KDM3A: variants seen among roughly 807,000 people sequenced by gnomAD.
KDM3A encodes the protein lysine-specific demethylase 3A.
Under a neutral mutation model 158.0 loss-of-function variants are expected in KDM3A, and 60 were observed. The ratio of observed to expected loss-of-function variants is 0.38; its 90% CI spans 0.31 to 0.47. KDM3A has a LOEUF of 0.47. Among genes scored for constraint, KDM3A ranks in the 20% least tolerant of loss-of-function variants. KDM3A has a pLI of 0.99. For missense variants in KDM3A, 1,319 were observed against 1,574.3 expected, an observed-to-expected ratio of 0.84 and a Z score of 2.74; for synonymous variants, 608 against 549.3, an observed-to-expected ratio of 1.11 and a Z score of -1.49.
Position 86,480,292 on chromosome 2 carries a change from T to C in KDM3A, c.2442T>C (p.Cys814=). The part of the protein sequence containing the change: ...SKPAGSMKPA[C]PASTSPLNWL... ...CAGCCGGCAGCATGAAGCCTGCCTG[T>C]CCAGCCAGCACATCTCCTCTAAACT... The change falls in exon 16 of 26, where the codon TGT becomes TGC. Residue 814 remains cysteine (C), a synonymous_variant. Coordinates refer to ENST00000312912, the MANE Select transcript of KDM3A (RefSeq NM_018433.6). 2 of 1,614,116 alleles carry C rather than the reference T, an allele frequency of 1.2e-6. No individual in the cohort carries two copies. Among genetic ancestry groups the C allele is most frequent in the Non-Finnish European group, 1.7e-6 (2 of 1,180,030 alleles).
intron 8 of KDM3A, among the ~76,000 whole-genome samples, chr2:86,461,297 C>T (rs1442519249): frequency 6.6e-6 from 1 of 152,162 alleles, no homozygotes; most frequent in Non-Finnish European, 1.5e-5. Flanking sequence ...CCCTCCTTCC[C>T]TCTGTTCCTC....
chr2:86,466,702 A>G lies in KDM3A; in HGVS notation c.1338A>G (p.Pro446=), dbSNP rs756231801. ...AGCACCTAGAACATGCACCTTCCCC[A>G]TCGGATGTTTCAAATGCACCAGAAG... The part of the protein sequence containing the change: ...LQKHLEHAPS[P]SDVSNAPEVK... Residue 446 remains proline (P), a synonymous_variant, in exon 10 of 26, where the codon CCA becomes CCG. Transcript: ENST00000312912. The G allele has an allele frequency of 2.0e-5, 32 of 1,613,812 alleles. No homozygotes were observed. Among genetic ancestry groups the G allele is most frequent in the Non-Finnish European group, 2.6e-5 (31 of 1,179,878 alleles).
chr2:86,466,858 A>G lies in KDM3A; in HGVS notation c.1494A>G (p.Ser498=). The change falls in exon 10 of 26, where the codon TCA becomes TCG. Residue 498 remains serine (S), a synonymous_variant. Transcript: ENST00000312912. ...SVKVDNESCC[S]RSNNKIQNAP... is the part of the protein sequence containing the mutation. The stretch of plus-strand genomic sequence containing the variant: ...AAGTAGATAATGAAAGCTGTTGTTC[A>G]AGAAGCAACAATAAAATCCAGAATG... The G allele has an allele frequency of 6.2e-7, 1 of 1,604,782 alleles. No homozygotes were observed. Among genetic ancestry groups the G allele is most frequent in the South Asian group, 1.1e-5 (1 of 90,268 alleles).
intron 1 of KDM3A, among the ~76,000 whole-genome samples, chr2:86,441,739 AG>A (rs1208668690): frequency 1.3e-5 from 2 of 150,794 alleles, no homozygotes; most frequent in Admixed American, 6.6e-5. Context: ...AATCCACTCG[AG>A]CCGCAGATAA....
At chr2:86,440,791 C>T (rs1037561352), upstream of KDM3A, 4 of 152,290 alleles carry the variant, frequency 2.6e-5, no homozygotes, top group Non-Finnish European at 5.9e-5. Flanking sequence ...TGCGCACGAG[C>T]CTCCAGAGCA....
intron 8 of KDM3A, among the ~76,000 whole-genome samples, chr2:86,462,468 C>T (rs1288870171): frequency 1.3e-5 from 2 of 152,044 alleles, no homozygotes. Flanking sequence ...CAAACTATTA[C>T]AAGCAAAAGG....
chr2:86,451,944 CA>C (rs1672488616), intron 4 of KDM3A, among the ~76,000 whole-genome samples: 1 of 152,156 alleles, frequency 6.6e-6, no homozygotes, highest in Admixed American at 6.5e-5. Context: ...TATATACAAG[CA>C]ATCCTCATTA....
At chr2:86,465,210 G>C (rs918008288) in intron 9 of KDM3A, among the ~76,000 whole-genome samples, 2 of 152,200 alleles carry the variant, frequency 1.3e-5, no homozygotes, top group Non-Finnish European at 1.5e-5. Flanking sequence ...GCTATCCCTA[G>C]TAAGATGTAC....
intron 23 of KDM3A, 96 bp downstream of exon 23, chr2:86,489,755 T>A (rs1299309746): frequency 1.2e-5 from 16 of 1,374,358 alleles, no homozygotes; most frequent in Non-Finnish European, 1.6e-5. Context: ...AGGGGAATTG[T>A]CACAACCTGA....
rs752271195 is a variant in KDM3A at position 86,451,174 on chromosome 2, A to C, written c.414A>C (p.Gln138His). 3.1e-6 allele frequency: 5 copies of C among 1,611,856 alleles called. No individual in the cohort carries two copies. Among genetic ancestry groups the C allele is most frequent in the Non-Finnish European group, 4.2e-6 (5 of 1,179,238 alleles). The change falls in exon 4 of 26, where the codon CAA (glutamine) becomes CAC (histidine). Residue 138 changes from glutamine (Q) to histidine (H), a missense_variant. This residue lies in a region of KDM3A where 652 missense variants were observed against 627.2 expected (regional missense o/e 1.04). Transcript: ENST00000312912. ...CTGTTCGCTTTCTGGGAGATCAACA[A>C]AGAGTATTTCTTTCTAAAGACCTTT... ...ITSVRFLGDQ[Q>H]RVFLSKDLLK...
chr2:86,456,899 TTTC>T lies in KDM3A; in HGVS notation c.754+27_754+29del, dbSNP rs749062638. The T allele has an allele frequency of 5.0e-6, 8 of 1,586,614 alleles. No individual in the cohort carries two copies. The South Asian group carries it at 8.9e-5, about 18-fold the overall frequency. ...TGTGGTAAGATATGTTATTAAAATCTTTCTTCTCCTTCCTCCTTTCCTCCGTTC... is the reference window on the plus strand; with the variant it reads ...TGTGGTAAGATATGTTATTAAAATCTTTCTCCTTCCTCCTTTCCTCCGTTC... On this transcript the variant is annotated intron_variant, in intron 7 of 25. Coordinates refer to ENST00000312912, the MANE Select transcript of KDM3A (RefSeq NM_018433.6).
chr2:86,460,178 C>G (rs1193075839), intron 8 of KDM3A, among the ~76,000 whole-genome samples: 3 of 152,170 alleles, frequency 2.0e-5, no homozygotes, highest in Non-Finnish European at 2.9e-5. Flanking sequence ...GAAATACTTT[C>G]CTTCTGTCTC....
At chr2:86,439,068 T>C (rs565305519), upstream of KDM3A, among the ~76,000 whole-genome samples, 7 of 152,162 alleles carry the variant, frequency 4.6e-5, no homozygotes, top group African/African-American at 1.7e-4. Flanking sequence ...CTTATATTCC[T>C]AGGTTTTTAG....
intron 4 of KDM3A, among the ~76,000 whole-genome samples, chr2:86,452,554 G>T (rs1204696877): frequency 6.6e-6 from 1 of 152,014 alleles, no homozygotes; most frequent in African/African-American, 2.4e-5. Context: ...AGAATAGACT[G>T]CACACACGCA....
In KDM3A at chr2:86,473,572, C is replaced by G. The variant is rs573336553; in HGVS notation, c.1725-1204C>G. Among the ~76,000 whole-genome samples, 7 of 152,176 alleles carry G rather than the reference C, an allele frequency of 4.6e-5. No individual in the cohort carries two copies. The South Asian group carries it at 1.5e-3, about 32-fold the overall frequency. On this transcript the variant is annotated intron_variant, in intron 11 of 25. Transcript: ENST00000312912. ...GCAGCTTGGGCAACAGGGCAAAACC[C>G]TGTCTCTACAAAAAATAGAAAAAGA...
chr2:86,447,010 C>G (rs932224203), intron 2 of KDM3A, among the ~76,000 whole-genome samples: 1 of 152,146 alleles, frequency 6.6e-6, no homozygotes, highest in Non-Finnish European at 1.5e-5. Flanking sequence ...CGAAGTTTCC[C>G]CACGTTGCCT....
In KDM3A at chr2:86,484,936, T is replaced by A. The variant is rs1483604719; in HGVS notation, c.3095-6T>A. On this transcript the variant is annotated splice_region_variant and splice_polypyrimidine_tract_variant and intron_variant, in intron 19 of 25. Transcript: ENST00000312912. The stretch of plus-strand genomic sequence containing the variant: ...ATAGTAATAGTTCATTCTGTTTACC[T>A]TTCAGATCGTTTGAAAAATGAAAAA... 6.4e-7 allele frequency: 1 copy of A among 1,571,878 alleles called. No homozygotes were observed. The highest frequency in any genetic ancestry group is 1.1e-5 in the South Asian group (1 of 90,066).
At chr2:86,464,291 C>T (rs1032093361) in intron 9 of KDM3A, 75 bp downstream of exon 9, 1 of 1,127,458 alleles carries the variant, frequency 8.9e-7, no homozygotes, top group Non-Finnish European at 1.2e-6. Flanking sequence ...TTGTTTTTAT[C>T]CCTGGTTGTC....
chr2:86,449,175 ATAGT>A (rs1224823733), intron 2 of KDM3A, among the ~76,000 whole-genome samples: 1 of 152,236 alleles, frequency 6.6e-6, no homozygotes, highest in African/African-American at 2.4e-5. Context: ...GAAGCTAGAG[ATAGT>A]TCTGAAAAAC....
Sources: gnomAD v4.1 joint callset for allele counts (sites outside exome capture counted in the v4.1 genomes callset) on GRCh38, gnomAD v4.1.1 for gene constraint, gnomAD v4.1.1 regional missense constraint, MANE v1.5 for transcripts, NCBI Gene and HGNC (gene_info 2026-07-23, HGNC 2026-07-21) for gene names.